The following GOLGA1 variants were observed in gnomAD, a reference collection of about 807,000 sequenced individuals.
GOLGA1 encodes the protein golgin subfamily A member 1.
Under a neutral mutation model 119.7 loss-of-function variants are expected in GOLGA1, and 63 were observed. The observed-to-expected ratio is 0.53, with a 90% confidence interval of 0.43 to 0.65. GOLGA1 has a LOEUF of 0.65. GOLGA1 is among the 30% of genes least tolerant of loss of function. The pLI is 0.00. For missense variants in GOLGA1, 798 were observed against 912.8 expected (o/e 0.87, Z 1.62); for synonymous variants, 318 against 333.4 (o/e 0.95, Z 0.50).
chr9:124,892,481 A>G (rs973852586), intron 15 of GOLGA1, among the ~76,000 whole-genome samples: 3 of 151,800 alleles, frequency 2.0e-5, no homozygotes, highest in African/African-American at 7.3e-5. Context: ...TCAAAATATT[A>G]TAATTATTTT....
At chr9:124,906,727 G>A (rs188225558) in intron 12 of GOLGA1, among the ~76,000 whole-genome samples, 18 of 152,200 alleles carry the variant, frequency 1.2e-4, no homozygotes, top group African/African-American at 4.1e-4. Flanking sequence ...ACTCCAGCCT[G>A]GGTGACAAGA....
chr9:124,917,228 A>T (rs770895496), intron 10 of GOLGA1, among the ~76,000 whole-genome samples: 2 of 152,226 alleles, frequency 1.3e-5, no homozygotes, highest in African/African-American at 2.4e-5. Flanking sequence ...AAGGGCACAG[A>T]GGGAACCTCA....
At chr9:124,915,004 C>T (rs941167427) in intron 10 of GOLGA1, among the ~76,000 whole-genome samples, 5 of 152,224 alleles carry the variant, frequency 3.3e-5, no homozygotes, top group Non-Finnish European at 7.3e-5. Flanking sequence ...AGGCCCTCTA[C>T]ACCTCATGTG....
intron 10 of GOLGA1, among the ~76,000 whole-genome samples, chr9:124,913,829 G>A (rs1281759700): frequency 1.3e-5 from 2 of 152,178 alleles, no homozygotes; most frequent in African/African-American, 4.8e-5. Flanking sequence ...GGATTAACTG[G>A]GAGAATCAGA....
chr9:124,925,883 A>G (rs1211142693), intron 7 of GOLGA1, among the ~76,000 whole-genome samples: 1 of 152,156 alleles, frequency 6.6e-6, no homozygotes, highest in African/African-American at 2.4e-5. Context: ...TATATGTGGG[A>G]GCCAGGAATA....
chr9:124,934,005 T>C (rs989227115), intron 3 of GOLGA1, among the ~76,000 whole-genome samples: 2 of 152,320 alleles, frequency 1.3e-5, no homozygotes, highest in South Asian at 4.1e-4. Flanking sequence ...TAAAACTATA[T>C]GGTGAGTCTT....
rs990232038 is a variant in GOLGA1, at chr9:124,888,997, C to T, written c.1761+146G>A. On this transcript the variant is annotated intron_variant, in intron 18 of 22. Transcript: ENST00000373555. This position sits in a 1 kb window ranked among gnomAD's most constrained non-coding sequence, Gnocchi z 4.4. ...TACAGGCGTGAGCCACTGCGCCTGGCCAAGTGCCCTACTTCAAAGAAAGGA... is the reference window on the plus strand; with the variant it reads ...TACAGGCGTGAGCCACTGCGCCTGGTCAAGTGCCCTACTTCAAAGAAAGGA... The T allele has an allele frequency of 1.6e-6, 1 of 634,484 alleles. No individual in the cohort carries two copies. The highest frequency in any genetic ancestry group is 2.6e-6 in the Non-Finnish European group (1 of 378,586). 39.3% of individuals were successfully genotyped at this position (634,484 alleles called of 1,614,324 possible).
At chr9:124,930,961 A>G (rs548450264) in intron 4 of GOLGA1, among the ~76,000 whole-genome samples, 3 of 152,318 alleles carry the variant, frequency 2.0e-5, no homozygotes, top group East Asian at 3.9e-4. Context: ...GATGAATCCA[A>G]TATCTGTTGG....
In GOLGA1 at chr9:124,880,567, C is replaced by T. The variant is rs780546839; in HGVS notation, c.2267G>A (p.Arg756Gln). 1.6e-5 allele frequency: 26 copies of T among 1,611,088 alleles called. No homozygotes were observed. The highest frequency in any genetic ancestry group is 1.6e-4 in the Middle Eastern group (1 of 6,078). ...TATCCGAGGGTTTGAGATAGACGGC[C>T]GGATGCTGCCCTTGGGAGCTGGTTT... ...GSKPAPKGSI[R>Q]PSISNPRIPW... Residue 756 changes from arginine to glutamine, a missense_variant, in exon 23 of 23, where the codon CGG becomes CAG. Physicochemically the swap from Arg to Gln is conservative, Grantham distance 43. Transcript: ENST00000373555.
intron 16 of GOLGA1, 96 bp downstream of exon 16, chr9:124,890,293 A>G: frequency 9.4e-6 from 8 of 847,396 alleles, no homozygotes; most frequent in Non-Finnish European, 1.6e-5. Context: ...CCTACCCTGG[A>G]GAGACAGGCC....
Position 124,881,321 on chromosome 9 carries a change from G to A in GOLGA1, c.2137-64C>T. The A allele has an allele frequency of 1.1e-6, 1 of 890,360 alleles. No individual in the cohort carries two copies. The highest frequency in any genetic ancestry group is 2.4e-5 in the East Asian group (1 of 41,698). The allele number at this position is 890,360 out of a possible 1,614,324, so 55.2% of individuals were successfully genotyped here. On this transcript the variant is annotated intron_variant, in intron 21 of 22. Transcript: ENST00000373555. This position sits in a 1 kb window ranked among gnomAD's most constrained non-coding sequence, Gnocchi z 4.9. Reference sequence around the variant, plus strand: ...AAGGTGAGGCGGGGTGGGGTCGGGGGAGCTACGTGGCATTTCCTGCTTGCT... The same window carrying A: ...AAGGTGAGGCGGGGTGGGGTCGGGGAAGCTACGTGGCATTTCCTGCTTGCT...
intron 7 of GOLGA1, among the ~76,000 whole-genome samples, chr9:124,923,433 G>A (rs940344048): frequency 6.6e-6 from 1 of 151,800 alleles, no homozygotes; most frequent in African/African-American, 2.4e-5. Context: ...CACCACACCC[G>A]GCCTGAAAGT....
In GOLGA1 at chr9:124,894,810, G is replaced by C. The variant is rs148691751; in HGVS notation, c.1407+3739C>G. Among the ~76,000 whole-genome samples, 30 of 152,318 alleles carry C rather than the reference G, an allele frequency of 2.0e-4. No individual in the cohort carries two copies. The South Asian group carries it at 2.5e-3, about 13-fold the overall frequency. On this transcript the variant is annotated intron_variant, in intron 15 of 22. Transcript: ENST00000373555. ...TAAGTGGGGCTGCTACTGACATCTAGTGGGTAGATGCTCCTAAGCATCTTA... is the reference window on the plus strand; with the variant it reads ...TAAGTGGGGCTGCTACTGACATCTACTGGGTAGATGCTCCTAAGCATCTTA...
At chr9:124,896,721 C>T (rs943403446) in intron 15 of GOLGA1, among the ~76,000 whole-genome samples, 10 of 152,230 alleles carry the variant, frequency 6.6e-5, no homozygotes, top group South Asian at 2.1e-4. Context: ...GCCAGTGGAT[C>T]GCTTGAGCAC....
At chr9:124,901,945 C>T (rs1262266131) in intron 12 of GOLGA1, among the ~76,000 whole-genome samples, 1 of 152,174 alleles carries the variant, frequency 6.6e-6, no homozygotes, top group Non-Finnish European at 1.5e-5. Flanking sequence ...AGGCCAGTGC[C>T]GTGAGTGGGA....
intron 19 of GOLGA1, among the ~76,000 whole-genome samples, chr9:124,886,764 T>C (rs1012949649): frequency 1.3e-5 from 2 of 151,752 alleles, no homozygotes; most frequent in Admixed American, 6.6e-5. Flanking sequence ...GGAGAGGCTG[T>C]GGCACGTCCC....
At chr9:124,910,919 C>CT (rs1830326254) in intron 11 of GOLGA1, among the ~76,000 whole-genome samples, 1 of 152,214 alleles carries the variant, frequency 6.6e-6, no homozygotes, top group African/African-American at 2.4e-5. Context: ...TGTGGAAAAA[C>CT]TGTCTTCCAC....
At position 124,907,871 on chromosome 9, in the gene GOLGA1, G is replaced by A. The variant is rs529457272; in HGVS notation, c.1065+506C>T. Among the ~76,000 whole-genome samples, 6 of 152,304 alleles carry A rather than the reference G, an allele frequency of 3.9e-5. No homozygotes were observed. In the East Asian group the frequency reaches 1.2e-3, roughly 29 times the overall value. On this transcript the variant is annotated intron_variant, in intron 12 of 22. Coordinates refer to ENST00000373555, the MANE Select transcript of GOLGA1 (RefSeq NM_002077.4). ...TGCTGGAGGAGGAGAGCCAGGTGCA[G>A]GCTTGCTGGGAACAATCTTCTCCTA...
intron 17 of GOLGA1, 43 bp from the exon 18 acceptor site, chr9:124,889,346 C>T: frequency 6.2e-7 from 1 of 1,607,530 alleles, no homozygotes; most frequent in Non-Finnish European, 8.5e-7. Context: ...AGCCCAGTGA[C>T]TCCATGCTGC....
Sources: allele counts gnomAD v4.1 joint callset (sites outside exome capture counted in the v4.1 genomes callset), GRCh38; gene constraint gnomAD v4.1.1; non-coding constraint Gnocchi (gnomAD v3.1); transcripts MANE v1.5; gene names NCBI Gene and HGNC (gene_info 2026-07-23, HGNC 2026-07-21).